The following EYS variants were observed in gnomAD, a reference collection of about 807,000 sequenced individuals.
EYS encodes the protein EGF-like photoreceptor maintenance factor, also known as protein eyes shut homolog.
A neutral mutation model predicts 282.1 loss-of-function variants in EYS; 250 were observed. That is an observed-to-expected ratio of 0.89 (90% CI 0.80 to 0.98). EYS has a LOEUF of 0.98. EYS is among the 50% of genes least tolerant of loss of function. The pLI is 0.00. For synonymous variants in EYS, 1,355 were observed against 1,282.9 expected, an observed-to-expected ratio of 1.06 and a Z score of -1.20; for missense variants, 4,016 against 3,709.0, an observed-to-expected ratio of 1.08 and a Z score of -2.15.
At chr6:64,768,514 T>C (rs1773422259) in intron 22 of EYS, among the ~76,000 whole-genome samples, 1 of 152,130 alleles carries the variant, frequency 6.6e-6, no homozygotes, top group African/African-American at 2.4e-5. Context: ...TTAAAGAAAA[T>C]TATTGGCAAG....
chr6:65,617,636 T>C (rs1034766765), intron 2 of EYS, among the ~76,000 whole-genome samples: 3 of 151,760 alleles, frequency 2.0e-5, no homozygotes, highest in African/African-American at 7.3e-5. Context: ...TGTGCCATGC[T>C]GGTGCGCTGC....
chr6:64,720,354 C>A (rs1488103233), intron 22 of EYS, among the ~76,000 whole-genome samples: 2 of 152,190 alleles, frequency 1.3e-5, no homozygotes, highest in East Asian at 1.9e-4. Flanking sequence ...TTATCCAGGA[C>A]AATCTCCCCA....
chr6:64,658,444 C>G (rs547439099), intron 22 of EYS, among the ~76,000 whole-genome samples: 12 of 152,224 alleles, frequency 7.9e-5, no homozygotes, highest in Admixed American at 1.3e-4. Flanking sequence ...TTTAGAGTTT[C>G]CAGTTTTTCT....
chr6:64,097,685 G>C (rs1038998980), intron 31 of EYS, among the ~76,000 whole-genome samples: 3 of 152,162 alleles, frequency 2.0e-5, no homozygotes, highest in Non-Finnish European at 4.4e-5. Flanking sequence ...GGAATTCCCT[G>C]ACCCCTTGGG....
chr6:65,026,241 C>T (rs1366079710), intron 13 of EYS, among the ~76,000 whole-genome samples: 1 of 152,110 alleles, frequency 6.6e-6, no homozygotes, highest in Non-Finnish European at 1.5e-5. Flanking sequence ...ATTAGGCAAA[C>T]ATAATTAATT....
intron 4 of EYS, among the ~76,000 whole-genome samples, chr6:65,490,951 G>A (rs1329927483): frequency 6.6e-6 from 1 of 151,732 alleles, no homozygotes; most frequent in African/African-American, 2.4e-5. Context: ...TAGTATTTGA[G>A]CTTTATTTAA....
At chr6:63,958,344 G>GA (rs1053863795) in intron 35 of EYS, among the ~76,000 whole-genome samples, 1 of 119,006 alleles carries the variant, frequency 8.4e-6, no homozygotes, top group African/African-American at 2.6e-5. Context: ...TATAGAGGAA[G>GA]AAAATCTGGC....
chr6:64,888,461 A>C (rs1164614262), intron 18 of EYS, among the ~76,000 whole-genome samples: 6 of 152,058 alleles, frequency 3.9e-5, no homozygotes, highest in Admixed American at 6.6e-5. Flanking sequence ...TATATCAATT[A>C]TGTGTAAATG....
chr6:65,040,982 A>G (rs1772916669), intron 13 of EYS, among the ~76,000 whole-genome samples: 1 of 151,700 alleles, frequency 6.6e-6, no homozygotes, highest in South Asian at 2.1e-4. Flanking sequence ...CTAGAATAGC[A>G]TTATTTAGAT....
At chr6:64,840,311 A>G (rs1390521260) in intron 19 of EYS, among the ~76,000 whole-genome samples, 1 of 152,126 alleles carries the variant, frequency 6.6e-6, no homozygotes, top group African/African-American at 2.4e-5. Flanking sequence ...TGTGCAATAA[A>G]ATTAATCCAT....
At chr6:63,869,551 G>A (rs1772751247) in intron 35 of EYS, among the ~76,000 whole-genome samples, 1 of 152,092 alleles carries the variant, frequency 6.6e-6, no homozygotes, top group African/African-American at 2.4e-5. Context: ...TTAAAGTTTT[G>A]CTTCCAAGGG....
intron 35 of EYS, among the ~76,000 whole-genome samples, chr6:63,881,087 A>G (rs1773120816): frequency 6.6e-6 from 1 of 152,174 alleles, no homozygotes; most frequent in East Asian, 1.9e-4. Context: ...GGAACAACCA[A>G]CTTTCCCTGC....
At chr6:64,997,994 GCTCT>G (rs1416919547) in intron 13 of EYS, among the ~76,000 whole-genome samples, 1 of 151,904 alleles carries the variant, frequency 6.6e-6, no homozygotes, top group Non-Finnish European at 1.5e-5. Flanking sequence ...AATTTTACTT[GCTCT>G]CTCTTGTTTT....
At chr6:65,297,171 A>G (rs889014999) in intron 11 of EYS, among the ~76,000 whole-genome samples, 1 of 151,616 alleles carries the variant, frequency 6.6e-6, no homozygotes, top group African/African-American at 2.4e-5. Context: ...AATATTTTAT[A>G]TACATACATA....
intron 14 of EYS, among the ~76,000 whole-genome samples, chr6:64,995,715 T>TCTCC (rs1771232375): frequency 6.8e-6 from 1 of 147,128 alleles, no homozygotes; most frequent in Admixed American, 6.9e-5. Flanking sequence ...TCTTTCTGCT[T>TCTCC]CCCCCCCGCC....
intron 22 of EYS, among the ~76,000 whole-genome samples, chr6:64,676,894 C>T (rs1329595434): frequency 1.3e-5 from 2 of 152,114 alleles, no homozygotes; most frequent in African/African-American, 4.8e-5. Flanking sequence ...CTCTTAATAC[C>T]GTCACCTTGG....
chr6:63,784,768 C>G (rs1396199950), intron 39 of EYS, among the ~76,000 whole-genome samples: 4 of 152,074 alleles, frequency 2.6e-5, no homozygotes, highest in Non-Finnish European at 4.4e-5. Flanking sequence ...GGCAGGAACA[C>G]AAATCCAAAC....
chr6:65,127,358 C>A (rs1775748963), intron 12 of EYS, among the ~76,000 whole-genome samples: 1 of 152,022 alleles, frequency 6.6e-6, no homozygotes, highest in Non-Finnish European at 1.5e-5. Flanking sequence ...TAACACCCAC[C>A]TTTAATCAAC....
chr6:64,884,710 T>C (rs1767033159), intron 19 of EYS, among the ~76,000 whole-genome samples: 1 of 151,694 alleles, frequency 6.6e-6, no homozygotes, highest in Non-Finnish European at 1.5e-5. Context: ...AACAAATACA[T>C]GTAACTTTCT....
Sources: allele counts gnomAD v4.1 joint callset (sites outside exome capture counted in the v4.1 genomes callset), GRCh38; gene constraint gnomAD v4.1.1; transcripts MANE v1.5; gene names NCBI Gene and HGNC (gene_info 2026-07-23, HGNC 2026-07-21).